LRRC4C: variants seen among roughly 807,000 people sequenced by gnomAD.
LRRC4C encodes the protein leucine-rich repeat-containing protein 4C.
Under a neutral mutation model 33.6 loss-of-function variants are expected in LRRC4C, and 5 were observed. The ratio of observed to expected loss-of-function variants is 0.15; its 90% CI spans 0.08 to 0.31. The LOEUF is 0.31. Ranked by LOEUF, LRRC4C falls within the 10% of genes least tolerant of loss-of-function variation. LRRC4C has a pLI of 1.00. For synonymous variants in LRRC4C, 329 were observed against 302.0 expected, an observed-to-expected ratio of 1.09 and a Z score of -0.93; for missense variants, 560 against 796.7, an observed-to-expected ratio of 0.70 and a Z score of 3.58.
intron 2 of LRRC4C, among the ~76,000 whole-genome samples, chr11:40,895,753 A>G (rs1006825183): frequency 2.0e-5 from 3 of 152,216 alleles, no homozygotes; most frequent in Admixed American, 2.0e-4. Context: ...AAATTACACT[A>G]AATTGCCTTT....
intron 3 of LRRC4C, among the ~76,000 whole-genome samples, chr11:40,593,677 A>AG (rs1324096371): frequency 1.3e-5 from 2 of 152,318 alleles, no homozygotes; most frequent in Admixed American, 1.3e-4. Context: ...TGGCAAAGTA[A>AG]GGGGGTTGGA....
intron 1 of LRRC4C, among the ~76,000 whole-genome samples, chr11:41,062,742 A>G (rs1344182764): frequency 1.3e-5 from 2 of 152,216 alleles, no homozygotes; most frequent in East Asian, 3.9e-4. Flanking sequence ...TGTAACTAGT[A>G]AAGACGAGGT....
At chr11:41,230,868 C>A (rs565251160) in intron 1 of LRRC4C, among the ~76,000 whole-genome samples, 5 of 131,488 alleles carry the variant, frequency 3.8e-5, no homozygotes, top group African/African-American at 5.6e-5. Context: ...TGACAAAGGG[C>A]TAATATCCAG....
chr11:41,158,037 C>T (rs1327039970), intron 1 of LRRC4C, among the ~76,000 whole-genome samples: 1 of 151,840 alleles, frequency 6.6e-6, no homozygotes, highest in East Asian at 1.9e-4. Flanking sequence ...GTTGACCATC[C>T]CCAATTCTCC....
chr11:40,304,376 A>C (rs186587102), intron 4 of LRRC4C, among the ~76,000 whole-genome samples: 1 of 152,186 alleles, frequency 6.6e-6, no homozygotes, highest in Non-Finnish European at 1.5e-5. Context: ...AAGAAGAAAC[A>C]CAGCTTCTGG....
intron 2 of LRRC4C, among the ~76,000 whole-genome samples, chr11:40,839,933 A>G (rs182855847): frequency 1.8e-4 from 27 of 152,336 alleles, no homozygotes; most frequent in Non-Finnish European, 3.1e-4. Context: ...TTGATGGACT[A>G]GGTAGAGAAA....
At chr11:40,285,422 G>A (rs12270095) in intron 4 of LRRC4C, among the ~76,000 whole-genome samples, 2,181 of 152,252 alleles carry the variant, frequency 0.014, 63 homozygotes, top group African/African-American at 0.051. Context: ...CTAACATCAG[G>A]TGTTGGGTCC....
At chr11:40,337,541 G>T (rs1012670436) in intron 3 of LRRC4C, among the ~76,000 whole-genome samples, 1 of 151,916 alleles carries the variant, frequency 6.6e-6, no homozygotes, top group Non-Finnish European at 1.5e-5. Flanking sequence ...TACACCATAA[G>T]GTCAATAATC....
intron 3 of LRRC4C, among the ~76,000 whole-genome samples, chr11:40,498,978 T>TC (rs1328572321): frequency 1.3e-5 from 2 of 152,264 alleles, no homozygotes; most frequent in African/African-American, 4.8e-5. Context: ...TCCTTTCCTC[T>TC]CCCCATGTTA....
intron 3 of LRRC4C, among the ~76,000 whole-genome samples, chr11:40,509,506 A>C (rs2138702716): frequency 6.6e-6 from 1 of 151,736 alleles, no homozygotes; most frequent in South Asian, 2.1e-4. Flanking sequence ...ATTTTTATTT[A>C]TTTATTTTTT....
intron 1 of LRRC4C, among the ~76,000 whole-genome samples, chr11:41,357,107 T>C (rs1214530441): frequency 1.3e-5 from 2 of 151,856 alleles, no homozygotes; most frequent in African/African-American, 4.8e-5. Context: ...ACTGGAACTG[T>C]AGTTTAGGCC....
chr11:40,990,291 T>C (rs1306073231), intron 1 of LRRC4C, among the ~76,000 whole-genome samples: 1 of 142,942 alleles, frequency 7.0e-6, no homozygotes, highest in African/African-American at 2.5e-5. Flanking sequence ...ATGAGTATTC[T>C]TGACACATGT....
chr11:41,022,212 T>C (rs1856034635), intron 1 of LRRC4C, among the ~76,000 whole-genome samples: 1 of 150,066 alleles, frequency 6.7e-6, no homozygotes, highest in African/African-American at 2.4e-5. Flanking sequence ...ATACAGAACA[T>C]ATAAGTGTAT....
At chr11:41,451,466 T>G (rs966102509) in intron 1 of LRRC4C, among the ~76,000 whole-genome samples, 2 of 151,962 alleles carry the variant, frequency 1.3e-5, no homozygotes, top group Admixed American at 1.3e-4. Context: ...AAGAACAGAA[T>G]TCCATTTAGC....
intron 2 of LRRC4C, among the ~76,000 whole-genome samples, chr11:40,928,837 G>A (rs1409772755): frequency 1.3e-5 from 2 of 151,990 alleles, no homozygotes; most frequent in African/African-American, 4.8e-5. Flanking sequence ...TTCTATGCTA[G>A]GCTTATACCA....
chr11:40,529,865 G>A (rs1413535594), intron 3 of LRRC4C, among the ~76,000 whole-genome samples: 1 of 152,098 alleles, frequency 6.6e-6, no homozygotes, highest in African/African-American at 2.4e-5. Flanking sequence ...TCTTGTAGAT[G>A]TCTGCTTACT....
chr11:41,217,791 C>A (rs1367648278), intron 1 of LRRC4C, among the ~76,000 whole-genome samples: 2 of 151,978 alleles, frequency 1.3e-5, no homozygotes, highest in African/African-American at 4.8e-5. Context: ...GACTTCATTA[C>A]AATGCAATAA....
intron 2 of LRRC4C, among the ~76,000 whole-genome samples, chr11:40,753,537 G>A (rs1254451101): frequency 7.1e-6 from 1 of 139,962 alleles, no homozygotes; most frequent in Non-Finnish European, 1.5e-5. Context: ...GTTCACAGAG[G>A]CACTTTTTTT....
chr11:41,248,035 C>T (rs561516434), intron 1 of LRRC4C, among the ~76,000 whole-genome samples: 1 of 152,238 alleles, frequency 6.6e-6, no homozygotes, highest in African/African-American at 2.4e-5. Flanking sequence ...AGAGAAGAAT[C>T]ACTTACTTAA....
Sources: allele counts gnomAD v4.1 joint callset (sites outside exome capture counted in the v4.1 genomes callset), GRCh38; gene constraint gnomAD v4.1.1; transcripts MANE v1.5; gene names NCBI Gene and HGNC (gene_info 2026-07-23, HGNC 2026-07-21).